The following UGT2B17 variants were observed in gnomAD, a reference collection of about 807,000 sequenced individuals.
UGT2B17 encodes UDP glucuronosyltransferase family 2 member B17, also known as UDP-glucuronosyltransferase 2B17.
Under a neutral mutation model 48.2 loss-of-function variants are expected in UGT2B17, and 21 were observed. The observed-to-expected ratio is 0.44, with a 90% CI of 0.31 to 0.63. UGT2B17 has a LOEUF of 0.63. UGT2B17 is among the 20% of genes least tolerant of loss of function. The probability of loss-of-function intolerance (pLI) is 0.08; values close to 1 mark genes in which losing one functional copy is unlikely to be tolerated. For missense variants in UGT2B17, 402 were observed against 696.1 expected (o/e 0.58, Z 4.75); for synonymous variants, 146 against 238.4 (o/e 0.61, Z 3.57).
At chr4:68,561,786 C>CA (rs55755057) in intron 3 of UGT2B17, among the ~76,000 whole-genome samples, 19,978 of 81,126 alleles carry the variant, frequency 0.25, 4,804 homozygotes, top group Middle Eastern at 0.38. Flanking sequence ...ATTCTCACAC[C>CA]AAAAAAAAAA....
At position 68,566,411 on chromosome 4, in the gene UGT2B17, T is replaced by G. The variant is rs1233101647; in HGVS notation, c.725-691A>C. ...CACCCAAATCTCCTCTCATCTTGAA[T>G]TATAATCCCCATAATCCCCATGTGT... On this transcript the variant is annotated intron_variant, in intron 2 of 6. Transcript: ENST00000317746. Among the ~76,000 whole-genome samples, 6 of 117,962 alleles carry G rather than the reference T, an allele frequency of 5.1e-5. 1 individual carries two copies. Among genetic ancestry groups the G allele is most frequent in the Admixed American group, 9.1e-5 (1 of 10,980 alleles). The allele number at this position is 117,962 out of a possible 152,430, so 77.4% of individuals were successfully genotyped here. A position where few individuals can be genotyped will look rare whatever the true frequency, so the allele number is the denominator to read the frequency against.
chr4:68,539,935 T>C (rs1258346382), intron 6 of UGT2B17, among the ~76,000 whole-genome samples: 1 of 119,776 alleles, frequency 8.3e-6, no homozygotes, highest in Non-Finnish European at 1.7e-5. Context: ...CAGGTGCTCA[T>C]CCCCCACATC....
rs1452229058 is a variant in UGT2B17, at chr4:68,558,984, A to T, written c.1005+1553T>A. Among the ~76,000 whole-genome samples the T allele has an allele frequency of 1.6e-5, 2 of 125,902 alleles. 1 individual carries two copies. The highest frequency in any genetic ancestry group is 3.4e-5 in the Non-Finnish European group (2 of 59,436). 82.6% of individuals were successfully genotyped at this position (125,902 alleles called of 152,430 possible). ...CTGTATCAGATATTTGGGGTTCACAAGATTATCAATGAAATATTCAAATAT... is the reference window on the plus strand; with the variant it reads ...CTGTATCAGATATTTGGGGTTCACATGATTATCAATGAAATATTCAAATAT... On this transcript the variant is annotated intron_variant, in intron 4 of 6. Coordinates refer to ENST00000317746, the MANE Select transcript of UGT2B17 (RefSeq NM_001077.4).
At chr4:68,539,307 T>G (rs1730612334) in intron 6 of UGT2B17, among the ~76,000 whole-genome samples, 1 of 125,708 alleles carries the variant, frequency 8.0e-6, no homozygotes, top group African/African-American at 2.7e-5. Context: ...TATGTTTATA[T>G]AATTGAATTA....
chr4:68,568,898 C>A (rs533825938), intron 1 of UGT2B17, among the ~76,000 whole-genome samples: 3 of 137,560 alleles, frequency 2.2e-5, no homozygotes, highest in Non-Finnish European at 4.7e-5. Context: ...GTGTACAGTT[C>A]AATGTTTCCT....
chr4:68,551,684 A>G (rs1730916073), intron 5 of UGT2B17, 140 bp downstream of exon 5: 2 of 593,464 alleles, frequency 3.4e-6, no homozygotes, highest in Non-Finnish European at 4.8e-6. Context: ...AAGACTAGAA[A>G]ATAAATATAA....
At chr4:68,549,910 G>C (rs1730885219) in intron 6 of UGT2B17, among the ~76,000 whole-genome samples, 1 of 124,490 alleles carries the variant, frequency 8.0e-6, no homozygotes, top group Non-Finnish European at 1.7e-5. Flanking sequence ...GGGTAATTTT[G>C]GTATAAACAT....
chr4:68,568,660 A>G, intron 1 of UGT2B17, 112 bp from the exon 2 acceptor site: 2 of 579,662 alleles, frequency 3.5e-6, no homozygotes, highest in Non-Finnish European at 4.7e-6. Context: ...TAGTCAAGCA[A>G]TAATTTTTAT....
In UGT2B17 at chr4:68,548,255, A is replaced by G. The variant is rs944947793; in HGVS notation, c.1313+2422T>C. The stretch of plus-strand genomic sequence containing the variant: ...GAATACTATGCAGCCATAAAAAATG[A>G]TGAGTTCATGTCCTTTGCAGGGACA... On this transcript the variant is annotated intron_variant, in intron 6 of 6. Coordinates refer to ENST00000317746, the MANE Select transcript of UGT2B17 (RefSeq NM_001077.4). 2.4e-5 allele frequency among the ~76,000 whole-genome samples: 3 copies of G among 126,210 alleles called. 1 individual carries two copies. Among genetic ancestry groups the G allele is most frequent in the African/African-American group, 8.1e-5 (3 of 36,948 alleles). 82.8% of individuals were successfully genotyped at this position (126,210 alleles called of 152,430 possible).
intron 1 of UGT2B17, among the ~76,000 whole-genome samples, chr4:68,569,918 GGGAT>G (rs1348589704): frequency 7.9e-6 from 1 of 126,334 alleles, no homozygotes; most frequent in Non-Finnish European, 1.7e-5. Flanking sequence ...CATGCTCTCA[GGGAT>G]CAAACCAATT....
rs529840359 is a variant in UGT2B17, at chr4:68,570,842, C to T, written c.-64-2294G>A. Among the ~76,000 whole-genome samples the T allele has an allele frequency of 2.6e-4, 33 of 126,284 alleles. 5 individuals are homozygous for T. Among genetic ancestry groups the T allele is most frequent in the Non-Finnish European group, 1.7e-4 (10 of 59,660 alleles). The allele number at this position is 126,284 out of a possible 152,430, so 82.8% of individuals were successfully genotyped here. ...CTAAACATGGCTTCAGGGTTGAATC[C>T]GTGCTACACTTGCACAGGTACATGT... On this transcript the variant is annotated intron_variant, in intron 1 of 6. Transcript: ENST00000317746.
At chr4:68,571,776 C>A (rs1215686900) in intron 1 of UGT2B17, among the ~76,000 whole-genome samples, 1 of 125,340 alleles carries the variant, frequency 8.0e-6, no homozygotes, top group Non-Finnish European at 1.7e-5. Context: ...GACTGGGCTA[C>A]GTGTTAGGCT....
At chr4:68,572,039 G>A (rs1246774301) in intron 1 of UGT2B17, among the ~76,000 whole-genome samples, 1 of 125,594 alleles carries the variant, frequency 8.0e-6, no homozygotes, top group Admixed American at 8.1e-5. Context: ...TGCAAGAGGG[G>A]CTGAGTTTTC....
chr4:68,573,317 A>T (rs1302806276), intron 1 of UGT2B17, among the ~76,000 whole-genome samples: 1 of 123,354 alleles, frequency 8.1e-6, no homozygotes, highest in South Asian at 3.6e-4. Flanking sequence ...TGACACATAG[A>T]GTGTGAAGAG....
At chr4:68,573,657 G>A (rs1267351227) in intron 1 of UGT2B17, among the ~76,000 whole-genome samples, 1 of 126,188 alleles carries the variant, frequency 7.9e-6, no homozygotes, top group Non-Finnish European at 1.7e-5. Context: ...GAAAGGGATA[G>A]CCCAATGGAC....
chr4:68,575,014 G>T (rs1731351093), intron 1 of UGT2B17, among the ~76,000 whole-genome samples: 1 of 109,818 alleles, frequency 9.1e-6, no homozygotes, highest in Admixed American at 9.6e-5. Flanking sequence ...TTATGTCTTT[G>T]GACTAGACTG....
At position 68,544,899 on chromosome 4, in the gene UGT2B17, A is replaced by C. The variant is rs531887759; in HGVS notation, c.1313+5778T>G. Reference sequence around the variant, plus strand: ...TCAACAAGAAGAGCTAACTATCCTAAATATACATGCACCCAGATTCATAAA... The same window carrying C: ...TCAACAAGAAGAGCTAACTATCCTACATATACATGCACCCAGATTCATAAA... On this transcript the variant is annotated intron_variant, in intron 6 of 6. Coordinates refer to ENST00000317746, the MANE Select transcript of UGT2B17 (RefSeq NM_001077.4). Among the ~76,000 whole-genome samples, 12 of 126,140 alleles carry C rather than the reference A, an allele frequency of 9.5e-5. 6 individuals are homozygous for C. In the East Asian group the frequency reaches 9.1e-3, roughly 96 times the overall value. 82.8% of individuals were successfully genotyped at this position (126,140 alleles called of 152,430 possible).
intron 4 of UGT2B17, 83 bp downstream of exon 4, chr4:68,560,454 G>A: frequency 9.9e-7 from 1 of 1,012,512 alleles, no homozygotes. Flanking sequence ...TAAATTTTCA[G>A]GCAGAACATT....
In UGT2B17 at chr4:68,540,307, G is replaced by A. The variant is rs1372810624; in HGVS notation, c.1314-2403C>T. On this transcript the variant is annotated intron_variant, in intron 6 of 6. Coordinates refer to ENST00000317746, the MANE Select transcript of UGT2B17 (RefSeq NM_001077.4). ...ACTTTGGTCTGTTTAAATTTAATGCGAGTACTGGTAGGTTCACTTTTTTGT... is the reference window on the plus strand; with the variant it reads ...ACTTTGGTCTGTTTAAATTTAATGCAAGTACTGGTAGGTTCACTTTTTTGT... 2.1e-4 allele frequency among the ~76,000 whole-genome samples: 26 copies of A among 126,404 alleles called. 7 individuals are homozygous for A. Among genetic ancestry groups the A allele is most frequent in the Admixed American group, 1.6e-3 (20 of 12,352 alleles). The allele number at this position is 126,404 out of a possible 152,430, so 82.9% of individuals were successfully genotyped here. A position where few individuals can be genotyped will look rare whatever the true frequency, so the allele number is the denominator to read the frequency against.
Sources: gnomAD v4.1 joint callset for allele counts (sites outside exome capture counted in the v4.1 genomes callset) on GRCh38, gnomAD v4.1.1 for gene constraint, MANE v1.5 for transcripts, NCBI Gene and HGNC (gene_info 2026-07-23, HGNC 2026-07-21) for gene names.